The following ARFGEF2 variants were observed in gnomAD, a reference collection of about 807,000 sequenced individuals.
ARFGEF2 encodes the protein brefeldin A-inhibited guanine nucleotide-exchange protein 2.
A neutral mutation model predicts 219.9 loss-of-function variants in ARFGEF2; 74 were observed. The ratio of observed to expected loss-of-function variants is 0.34; its 90% CI spans 0.28 to 0.41. The LOEUF (loss-of-function observed/expected upper bound fraction) is 0.41. Among genes scored for constraint, ARFGEF2 ranks in the 10% least tolerant of loss-of-function variants. The probability of loss-of-function intolerance (pLI) is 1.00; values close to 1 mark genes in which losing one functional copy is unlikely to be tolerated. For missense variants in ARFGEF2, 1,743 were observed against 2,218.3 expected (o/e 0.79, Z 4.30); for synonymous variants, 733 against 799.2 (o/e 0.92, Z 1.40).
At chr20:49,017,660 A>G (rs2091539448) in intron 33 of ARFGEF2, 110 bp downstream of exon 33, 1 of 1,074,866 alleles carries the variant, frequency 9.3e-7, no homozygotes, top group Non-Finnish European at 1.4e-6. Flanking sequence ...GTAAAATTAT[A>G]AGATCTAAAA....
At chr20:48,942,332 T>C (rs1403475697) in intron 3 of ARFGEF2, among the ~76,000 whole-genome samples, 2 of 152,172 alleles carry the variant, frequency 1.3e-5, no homozygotes, top group Non-Finnish European at 2.9e-5. Context: ...TTCCATTTTG[T>C]AGAGATGCAG....
Position 49,034,999 on chromosome 20 carries a change from C to T in ARFGEF2, c.*1800C>T, listed in dbSNP as rs549015660. 2 of 152,326 alleles carry T rather than the reference C, an allele frequency of 1.3e-5. No individual in the cohort carries two copies. Among genetic ancestry groups the T allele is most frequent in the East Asian group, 1.9e-4 (1 of 5,190 alleles). The allele number at this position is 152,326 out of a possible 1,614,324, so 9.4% of individuals were successfully genotyped here. A position where few individuals can be genotyped will look rare whatever the true frequency, so the allele number is the denominator to read the frequency against. ...TTACTGTGAGTGGAAAATGTTAGCA[C>T]ATTTGACTGGTTTGCCCTGGAATCC... On this transcript the variant is annotated 3_prime_UTR_variant, in exon 39 of 39. Coordinates refer to ENST00000371917, the MANE Select transcript of ARFGEF2 (RefSeq NM_006420.3).
chr20:48,922,332 C>T (rs2090847722), intron 1 of ARFGEF2, among the ~76,000 whole-genome samples: 1 of 152,210 alleles, frequency 6.6e-6, no homozygotes, highest in African/African-American at 2.4e-5. Flanking sequence ...GTAGCCCTTG[C>T]CCCAAGTTTT....
At chr20:49,016,043 G>A (rs547883775) in intron 30 of ARFGEF2, among the ~76,000 whole-genome samples, 2 of 152,032 alleles carry the variant, frequency 1.3e-5, no homozygotes, top group South Asian at 4.1e-4. Flanking sequence ...AAATCTATGC[G>A]TTTTTTATTT....
rs2295033 is a variant in ARFGEF2, at chr20:48,994,359, C to T, written c.2974-92C>T. The T allele has an allele frequency of 0.32, 483,580 of 1,530,234 alleles. 79,051 individuals carry two copies. Among genetic ancestry groups the T allele is most frequent in the African/African-American group, 0.53 (38,467 of 73,258 alleles). The allele number at this position is 1,530,234 out of a possible 1,614,324, so 94.8% of individuals were successfully genotyped here. Reference sequence around the variant, plus strand: ...ATCTATATGGCATAACTCCATTGAACCAACTTTTTTTTAATGACTAACTTA... The same window carrying T: ...ATCTATATGGCATAACTCCATTGAATCAACTTTTTTTTAATGACTAACTTA... On this transcript the variant is annotated intron_variant, in intron 21 of 38. Coordinates refer to ENST00000371917, the MANE Select transcript of ARFGEF2 (RefSeq NM_006420.3).
At chr20:48,949,152 T>C (rs2091049386) in intron 3 of ARFGEF2, among the ~76,000 whole-genome samples, 2 of 152,160 alleles carry the variant, frequency 1.3e-5, no homozygotes, top group Admixed American at 6.5e-5. Flanking sequence ...TAAAACCCTT[T>C]CTGATTTGAA....
chr20:48,923,061 G>A (rs2123253047), intron 1 of ARFGEF2, among the ~76,000 whole-genome samples: 1 of 152,258 alleles, frequency 6.6e-6, no homozygotes, highest in South Asian at 2.1e-4. Flanking sequence ...TAATCAGGTG[G>A]TCAGGAAAGT....
rs776691349 is a variant in ARFGEF2, at chr20:48,941,989, T to C, written c.276+2T>C. 6.2e-7 allele frequency: 1 copy of C among 1,614,062 alleles called. No homozygotes were observed. Among genetic ancestry groups the C allele is most frequent in the African/African-American group, 1.3e-5 (1 of 74,940 alleles). On this transcript the variant is annotated splice_donor_variant, in intron 3 of 38. Coordinates refer to ENST00000371917, the MANE Select transcript of ARFGEF2 (RefSeq NM_006420.3). LOFTEE classifies it high-confidence loss of function. Reference sequence around the variant, plus strand: ...AGCACATCCCTTGACTGCTTGCAGGTACCATGTTTAAACTTCGTGTTGTCA... The same window carrying C: ...AGCACATCCCTTGACTGCTTGCAGGCACCATGTTTAAACTTCGTGTTGTCA...
chr20:48,941,082 T>G, intron 1 of ARFGEF2, 117 bp from the exon 2 acceptor site: 1 of 916,826 alleles, frequency 1.1e-6, no homozygotes, highest in South Asian at 1.4e-5. Context: ...TCAGCATTTT[T>G]GTATTTAAAC....
At chr20:48,947,421 G>T (rs766570213) in intron 3 of ARFGEF2, among the ~76,000 whole-genome samples, 2 of 151,090 alleles carry the variant, frequency 1.3e-5, no homozygotes, top group Admixed American at 6.6e-5. Context: ...ATAAAGTTAT[G>T]GGTTGGGCAT....
chr20:48,982,669 G>A (rs1285119240), intron 14 of ARFGEF2, among the ~76,000 whole-genome samples: 1 of 152,152 alleles, frequency 6.6e-6, no homozygotes, highest in African/African-American at 2.4e-5. Context: ...AGCTTCACCA[G>A]CACTTTGTTT....
intron 3 of ARFGEF2, among the ~76,000 whole-genome samples, chr20:48,942,316 T>C (rs200300189): frequency 6.6e-6 from 1 of 151,572 alleles, no homozygotes; most frequent in Non-Finnish European, 1.5e-5. Context: ...GCCTCTTTTT[T>C]ATTTTTTCCA....
At position 48,953,165 on chromosome 20, in the gene ARFGEF2, T is replaced by C. The variant is rs564667833; in HGVS notation, c.603+281T>C. 7.8e-4 allele frequency among the ~76,000 whole-genome samples: 115 copies of C among 147,176 alleles called. 1 individual carries two copies. The highest frequency in any genetic ancestry group is 2.6e-3 in the African/African-American group (105 of 40,854). On this transcript the variant is annotated intron_variant, in intron 5 of 38. Transcript: ENST00000371917. ...ATTTTTCTTTCTTTCTTTCTTTCTT[T>C]TTTTTTTTTTCTTTTTTCTTTTTTT... is the stretch of plus-strand genomic sequence containing the variant.
intron 22 of ARFGEF2, 49 bp downstream of exon 22, chr20:48,994,647 G>A (rs200976813): frequency 1.9e-6 from 3 of 1,607,774 alleles, no homozygotes; most frequent in East Asian, 2.2e-5. Flanking sequence ...GCAAGCTAAC[G>A]GGGATGAAAC....
intron 16 of ARFGEF2, among the ~76,000 whole-genome samples, chr20:48,986,364 C>G (rs2123455034): frequency 6.6e-6 from 1 of 152,294 alleles, no homozygotes; most frequent in South Asian, 2.1e-4. Context: ...TGCAGTAGCT[C>G]TTGCCTGTAA....
At chr20:48,936,294 G>C (rs1350046731) in intron 1 of ARFGEF2, among the ~76,000 whole-genome samples, 1 of 148,658 alleles carries the variant, frequency 6.7e-6, no homozygotes, top group Non-Finnish European at 1.5e-5. Flanking sequence ...GGCCAGGCGG[G>C]GGGCTGACCC....
In ARFGEF2 at chr20:48,953,706, A is replaced by T. The variant is rs776884400; in HGVS notation, c.754A>T (p.Asn252Tyr). The change falls in exon 6 of 39, where the codon AAC (asparagine) becomes TAC (tyrosine). Residue 252 changes from asparagine (N) to tyrosine (Y), a missense_variant. Around this residue, in one of 5 missense-constraint regions of ARFGEF2, gnomAD observed 394 missense variants for 426.6 expected, o/e 0.92. Coordinates refer to ENST00000371917, the MANE Select transcript of ARFGEF2 (RefSeq NM_006420.3). ...PTTPEKTDLTNGEHARSDSGK... is the reference protein window; with the variant it reads ...PTTPEKTDLTYGEHARSDSGK... ...AACTCCCGAAAAAACAGATTTAACCAACGGTGAACATGCCAGGAGTGATTC... is the reference window on the plus strand; with the variant it reads ...AACTCCCGAAAAAACAGATTTAACCTACGGTGAACATGCCAGGAGTGATTC... 8.1e-6 allele frequency: 13 copies of T among 1,614,040 alleles called. No individual in the cohort carries two copies. The Admixed American group carries it at 1.3e-4, about 17-fold the overall frequency.
intron 23 of ARFGEF2, 37 bp from the exon 24 acceptor site, chr20:48,998,156 G>A (rs777686500): frequency 5.9e-5 from 95 of 1,606,272 alleles, no homozygotes; most frequent in African/African-American, 5.3e-5. Context: ...CACCACACCC[G>A]GTCTAATGTT....
Position 48,933,874 on chromosome 20 carries a change from CTT to C in ARFGEF2, c.122-7323_122-7322del, listed in dbSNP as rs1426123593. On this transcript the variant is annotated intron_variant, in intron 1 of 38. Transcript: ENST00000371917. ...GTGGCTCATGCCTGTAATCCCAGCA[CTT>C]TGGAAGGCTGAGGCGGGTGTGTCAC... is the stretch of plus-strand genomic sequence containing the variant. Among the ~76,000 whole-genome samples, 10 of 152,038 alleles carry C rather than the reference CTT, an allele frequency of 6.6e-5. No individual in the cohort carries two copies. In the South Asian group the frequency reaches 2.1e-3, roughly 32 times the overall value.
Sources: allele counts gnomAD v4.1 joint callset (sites outside exome capture counted in the v4.1 genomes callset), GRCh38; gene constraint gnomAD v4.1.1; regional missense constraint gnomAD v4.1.1; transcripts MANE v1.5; gene names NCBI Gene and HGNC (gene_info 2026-07-23, HGNC 2026-07-21).